The following FBN2 variants were observed in gnomAD, a reference collection of about 807,000 sequenced individuals.
The protein encoded by FBN2 is fibrillin 2.
In FBN2, 105 loss-of-function variants were observed where a neutral mutation model predicts 355.6. The observed-to-expected ratio is 0.30, with a 90% CI of 0.25 to 0.35. The LOEUF (loss-of-function observed/expected upper bound fraction) is 0.35. Ranked by LOEUF, FBN2 falls within the 10% of genes least tolerant of loss-of-function variation. FBN2 has a pLI of 1.00. For synonymous variants in FBN2, 1,350 were observed against 1,301.2 expected (o/e 1.04, Z -0.81); for missense variants, 3,280 against 3,758.7 (o/e 0.87, Z 3.33).
intron 5 of FBN2, among the ~76,000 whole-genome samples, chr5:128,502,299 A>C (rs115373075): frequency 0.5 from 75,335 of 151,036 alleles, 21,952 homozygotes; most frequent in African/African-American, 0.82. Flanking sequence ...AAAAAAAAAA[A>C]ATAATTATAA....
At chr5:128,506,737 A>G (rs1755972236) in intron 5 of FBN2, among the ~76,000 whole-genome samples, 1 of 152,054 alleles carries the variant, frequency 6.6e-6, no homozygotes, top group Non-Finnish European at 1.5e-5. Context: ...ACCATATTAC[A>G]GTTTTTTTGG....
At position 128,408,756 on chromosome 5, in the gene FBN2, A is replaced by C. The variant is rs1291890044; in HGVS notation, c.996T>G (p.Gly332=). 1.2e-6 allele frequency: 2 copies of C among 1,613,982 alleles called. No individual in the cohort carries two copies. Among genetic ancestry groups the C allele is most frequent in the African/African-American group, 1.3e-5 (1 of 75,052 alleles). Residue 332 remains glycine (G), a synonymous_variant, in exon 8 of 65, where the codon GGT becomes GGG. Transcript: ENST00000262464. The part of the protein sequence containing the change: ...CSIIPGICET[G]ECSNTVGSYF... The stretch of plus-strand genomic sequence containing the variant: ...AGCTTCCCACGGTGTTGGAACATTC[A>C]CCAGTTTCACATATCCCAGGAATGA...
In FBN2 at chr5:128,377,766, C is replaced by T. The variant is rs1276413246; in HGVS notation, c.1835G>A (p.Gly612Glu). The change falls in exon 13 of 65, where the codon GGA becomes GAA. Residue 612 changes from glycine (G) to glutamate (E), a missense_variant. Coordinates refer to ENST00000262464, the MANE Select transcript of FBN2 (RefSeq NM_001999.4). ...CNAGFELTTD[G>E]KNCVDHDECT... Reference sequence around the variant, plus strand: ...AATTTCCATACCAACACAGTTTTTTCCATCTGTAGTTAATTCAAAGCCGGC... The same window carrying T: ...AATTTCCATACCAACACAGTTTTTTTCATCTGTAGTTAATTCAAAGCCGGC... The T allele has an allele frequency of 6.2e-7, 1 of 1,613,418 alleles. No individual in the cohort carries two copies. The highest frequency in any genetic ancestry group is 1.1e-5 in the South Asian group (1 of 91,076).
chr5:128,301,063 C>T (rs775049966), intron 47 of FBN2, 127 bp from the exon 48 acceptor site: 1 of 817,332 alleles, frequency 1.2e-6, no homozygotes, highest in East Asian at 2.6e-5. Flanking sequence ...TCACCATGAA[C>T]AAATATTACC....
Position 128,291,632 on chromosome 5 carries a change from A to C in FBN2, c.6189T>G (p.Asp2063Glu), listed in dbSNP as rs889494109. ...AGGAACCAAAAAGACAAATGTTGGG[A>C]TCTTCATCACATTCATTTATATCTG... Reference protein sequence around the residue: ...NCIDINECDEDPNICLFGSCT... With the variant: ...NCIDINECDEEPNICLFGSCT... The change falls in exon 49 of 65, where the codon GAT becomes GAG. Residue 2063 changes from aspartate (D) to glutamate (E), a missense_variant. Physicochemically the swap from Asp to Glu is conservative, Grantham distance 45. Transcript: ENST00000262464. 3 of 1,613,502 alleles carry C rather than the reference A, an allele frequency of 1.9e-6. No homozygotes were observed. The highest frequency in any genetic ancestry group is 2.5e-6 in the Non-Finnish European group (3 of 1,179,566).
Position 128,326,795 on chromosome 5 carries a change from T to G in FBN2, c.4471+1901A>C, listed in dbSNP as rs371217393. Among the ~76,000 whole-genome samples, 2 of 151,918 alleles carry G rather than the reference T, an allele frequency of 1.3e-5. 1 individual carries two copies. The highest frequency in any genetic ancestry group is 4.2e-4 in the South Asian group (2 of 4,786). The stretch of plus-strand genomic sequence containing the variant: ...ACTACAGGTGTGCCAACCCTCAGCT[T>G]CCCTGTCAGTTAGGAGTTTCTCTCT... On this transcript the variant is annotated intron_variant, in intron 34 of 64. Transcript: ENST00000262464.
intron 41 of FBN2, among the ~76,000 whole-genome samples, chr5:128,308,225 G>A (rs1240507311): frequency 6.6e-6 from 1 of 152,026 alleles, no homozygotes. Flanking sequence ...CAAGCCTTTC[G>A]CTTCTTCTCA....
intron 13 of FBN2, among the ~76,000 whole-genome samples, chr5:128,377,297 T>A (rs1007777202): frequency 6.6e-6 from 1 of 152,152 alleles, no homozygotes; most frequent in African/African-American, 2.4e-5. Context: ...CTGCTAGATA[T>A]CACAAGCCAC....
At chr5:128,520,939 A>C (rs1425426996) in intron 4 of FBN2, among the ~76,000 whole-genome samples, 1 of 152,198 alleles carries the variant, frequency 6.6e-6, no homozygotes, top group Non-Finnish European at 1.5e-5. Flanking sequence ...AAAGGAAAAA[A>C]GGCCACGGGG....
intron 62 of FBN2, among the ~76,000 whole-genome samples, chr5:128,271,433 A>C (rs1195123070): frequency 6.6e-6 from 1 of 152,240 alleles, no homozygotes; most frequent in East Asian, 1.9e-4. Context: ...TTCAGCGACT[A>C]TTATCAATGC....
intron 7 of FBN2, among the ~76,000 whole-genome samples, chr5:128,410,514 AT>A (rs1289496008): frequency 6.6e-6 from 1 of 152,232 alleles, no homozygotes; most frequent in Non-Finnish European, 1.5e-5. Flanking sequence ...CAAGGTGCTT[AT>A]GAAGCCCAGG....
rs863223612 is a variant in FBN2, at chr5:128,288,476, T to C, written c.6719A>G (p.Asn2240Ser). 12 of 1,614,114 alleles carry C rather than the reference T, an allele frequency of 7.4e-6. No individual in the cohort carries two copies. The highest frequency in any genetic ancestry group is 9.3e-6 in the Non-Finnish European group (11 of 1,179,976). Residue 2240 changes from asparagine to serine, a missense_variant, in exon 53 of 65, where the codon AAT becomes AGT. Coordinates refer to ENST00000262464, the MANE Select transcript of FBN2 (RefSeq NM_001999.4). ...NVIGSFECNC[N>S]EGFEPGPMMN... ...CATGGGCCCTGGCTCAAAGCCTTCA[T>C]TGCAATTGCATTCAAAACTCCCAAT...
intron 19 of FBN2, among the ~76,000 whole-genome samples, chr5:128,361,029 T>C (rs1202175675): frequency 6.6e-6 from 1 of 152,166 alleles, no homozygotes; most frequent in Non-Finnish European, 1.5e-5. Flanking sequence ...TTGATCAAGA[T>C]ACAAAAACAT....
At chr5:128,344,700 C>CTT (rs143617398) in intron 24 of FBN2, among the ~76,000 whole-genome samples, 190 bp from the exon 25 acceptor site, 5 of 139,154 alleles carry the variant, frequency 3.6e-5, no homozygotes, top group African/African-American at 1.0e-4. Context: ...ATCTTATATT[C>CTT]TTTTTTTTTT....
At chr5:128,282,887 A>G (rs1342046793) in intron 55 of FBN2, among the ~76,000 whole-genome samples, 1 of 152,168 alleles carries the variant, frequency 6.6e-6, no homozygotes, top group Non-Finnish European at 1.5e-5. Flanking sequence ...AGAGGAAAAC[A>G]GGCTTCATTT....
At chr5:128,450,986 C>A (rs1048807304) in intron 6 of FBN2, among the ~76,000 whole-genome samples, 1 of 152,102 alleles carries the variant, frequency 6.6e-6, no homozygotes, top group African/African-American at 2.4e-5. Context: ...CTTTTATTCA[C>A]ACACATATTC....
Position 128,348,275 on chromosome 5 carries a change from T to C in FBN2, c.2989+1072A>G, listed in dbSNP as rs149138982. On this transcript the variant is annotated intron_variant, in intron 23 of 64. Coordinates refer to ENST00000262464, the MANE Select transcript of FBN2 (RefSeq NM_001999.4). The stretch of plus-strand genomic sequence containing the variant: ...ATTTCGATAGTTTTGGGGGAATATT[T>C]TGTCATTTTCAAATGATACTTATTT... Among the ~76,000 whole-genome samples the C allele has an allele frequency of 9.9e-4, 151 of 152,270 alleles. 1 individual carries two copies. Among genetic ancestry groups the C allele is most frequent in the African/African-American group, 3.0e-3 (126 of 41,550 alleles).
At position 128,349,367 on chromosome 5, in the gene FBN2, C is replaced by T; in HGVS notation, c.2969G>A (p.Gly990Glu). 2 of 1,614,062 alleles carry T rather than the reference C, an allele frequency of 1.2e-6. No homozygotes were observed. Among genetic ancestry groups the T allele is most frequent in the South Asian group, 1.1e-5 (1 of 91,078 alleles). The part of the protein sequence containing the change: ...CECPEGLTLD[G>E]TGRVCLDIRM... ...CTTACCCAAACATACACGGCCAGTC[C>T]CATCCAACGTAAGGCCTTCAGGGCA... Residue 990 changes from glycine (G) to glutamate (E), a missense_variant, in exon 23 of 65, where the codon GGG (glycine) becomes GAG (glutamate). Gly to Glu is a moderately conservative substitution (Grantham distance 98). Transcript: ENST00000262464.
chr5:128,300,696 T>C (rs1024661455), intron 48 of FBN2, 121 bp downstream of exon 48: 9 of 966,202 alleles, frequency 9.3e-6, no homozygotes, highest in African/African-American at 4.8e-5. Context: ...TAGGCAGCTA[T>C]ATGTTTAATT....
Sources: gnomAD v4.1 joint callset for allele counts (sites outside exome capture counted in the v4.1 genomes callset) on GRCh38, gnomAD v4.1.1 for gene constraint, MANE v1.5 for transcripts, NCBI Gene and HGNC (gene_info 2026-07-23, HGNC 2026-07-21) for gene names.